The following MYO1D variants were observed in gnomAD, a reference collection of about 807,000 sequenced individuals.
The protein encoded by MYO1D is unconventional myosin-Id.
MYO1D carries 83 observed loss-of-function variants against 122.0 expected under a neutral mutation model. The ratio of observed to expected loss-of-function variants is 0.68; its 90% CI spans 0.57 to 0.82. The LOEUF (loss-of-function observed/expected upper bound fraction) is 0.82. MYO1D is among the 40% of genes least tolerant of loss of function. The pLI, the probability that MYO1D is intolerant of heterozygous loss-of-function variation, is 0.00. For missense variants in MYO1D, 1,157 were observed against 1,269.5 expected (o/e 0.91, Z 1.35); for synonymous variants, 464 against 446.9 (o/e 1.04, Z -0.48).
chr17:32,837,323 T>C (rs1454594444), intron 1 of MYO1D, among the ~76,000 whole-genome samples: 2 of 149,190 alleles, frequency 1.3e-5, no homozygotes, highest in Non-Finnish European at 3.0e-5. Context: ...GTTCTAGCTA[T>C]GAGTGCTTTG....
At chr17:32,839,709 T>C (rs569541253) in intron 1 of MYO1D, among the ~76,000 whole-genome samples, 28 of 152,256 alleles carry the variant, frequency 1.8e-4, no homozygotes, top group Admixed American at 1.2e-3. Flanking sequence ...ATTCTGTGAG[T>C]GGACAAAACA....
At chr17:32,602,619 C>G (rs1478992002) in intron 21 of MYO1D, 1 of 152,212 alleles carries the variant, frequency 6.6e-6, no homozygotes, top group Non-Finnish European at 1.5e-5. Flanking sequence ...CTTTGTGAGG[C>G]TGGGCACTGT....
At chr17:32,849,605 T>C (rs577181624) in intron 1 of MYO1D, among the ~76,000 whole-genome samples, 47 of 151,300 alleles carry the variant, frequency 3.1e-4, no homozygotes, top group South Asian at 1.5e-3. Context: ...TAGGTGGGAA[T>C]TGAACAATGA....
chr17:32,776,165 A>G (rs948114796), intron 3 of MYO1D, 136 bp from the exon 4 acceptor site: 1 of 736,890 alleles, frequency 1.4e-6, no homozygotes, highest in Non-Finnish European at 2.1e-6. Context: ...TATCAAAAAA[A>G]AAACAAACAA....
At chr17:32,716,141 G>A (rs1010037473) in intron 15 of MYO1D, among the ~76,000 whole-genome samples, 3 of 152,216 alleles carry the variant, frequency 2.0e-5, no homozygotes, top group Middle Eastern at 3.4e-3. Flanking sequence ...TCTGTAATGC[G>A]GTTGCCTCCT....
intron 21 of MYO1D, among the ~76,000 whole-genome samples, chr17:32,526,844 G>A (rs1597877281): frequency 6.6e-6 from 1 of 152,170 alleles, no homozygotes; most frequent in African/African-American, 2.4e-5. Context: ...TGACAAGGAG[G>A]TAGAATAGGT....
chr17:32,811,616 C>CTTTTTTT (rs755189217), intron 1 of MYO1D, among the ~76,000 whole-genome samples: 4 of 57,502 alleles, frequency 7.0e-5, no homozygotes, highest in Admixed American at 2.3e-4. Flanking sequence ...CCCTCACCCT[C>CTTTTTTT]TTTTTTTTTT....
intron 21 of MYO1D, among the ~76,000 whole-genome samples, chr17:32,591,078 A>G (rs2087434497): frequency 6.6e-6 from 1 of 152,238 alleles, no homozygotes. Context: ...AGGCAGGTAA[A>G]GCTGAGGATG....
chr17:32,687,454 C>T (rs2729349), intron 16 of MYO1D, among the ~76,000 whole-genome samples: 90,118 of 152,000 alleles, frequency 0.59, 27,596 homozygotes, highest in East Asian at 0.73. Context: ...GCCTTGGCCT[C>T]CCAAAGTGCT....
chr17:32,535,750 C>CAACAA (rs374439673), intron 21 of MYO1D, among the ~76,000 whole-genome samples: 10 of 151,420 alleles, frequency 6.6e-5, no homozygotes, highest in Middle Eastern at 3.4e-3. Context: ...GACTCCATCT[C>CAACAA]AACAAAACAA....
chr17:32,601,022 G>A (rs963512142), intron 21 of MYO1D, among the ~76,000 whole-genome samples: 3 of 148,572 alleles, frequency 2.0e-5, no homozygotes, highest in Non-Finnish European at 3.0e-5. Flanking sequence ...CACGATCATC[G>A]CTCACTGCAG....
rs867862213 is a variant in MYO1D at position 32,680,621 on chromosome 17, A to G, written c.2122-21283T>C. Among the ~76,000 whole-genome samples, 618 of 145,222 alleles carry G rather than the reference A, an allele frequency of 4.3e-3. 3 individuals are homozygous for G. The highest frequency in any genetic ancestry group is 0.012 in the African/African-American group (469 of 38,964). ...TCCCAGGGATGAAGCCCACTTGATC[A>G]TGGTGGATAAACTTTTTGATGTGCT... On this transcript the variant is annotated intron_variant, in intron 16 of 21. Transcript: ENST00000318217.
At chr17:32,825,693 T>G (rs2090716176) in intron 1 of MYO1D, among the ~76,000 whole-genome samples, 2 of 152,314 alleles carry the variant, frequency 1.3e-5, no homozygotes, top group Admixed American at 1.3e-4. Flanking sequence ...TGCTGCTTCC[T>G]TAACAGAATA....
rs375744654 is a variant in MYO1D, at chr17:32,644,431, C to T, written c.2596-5596G>A. 5.1e-4 allele frequency among the ~76,000 whole-genome samples: 78 copies of T among 152,102 alleles called. No homozygotes were observed. In the East Asian group the frequency reaches 9.8e-3, roughly 19 times the overall value. On this transcript the variant is annotated intron_variant, in intron 19 of 21. Coordinates refer to ENST00000318217, the MANE Select transcript of MYO1D (RefSeq NM_015194.3). ...GAGTTCTGTAGATGTCTATTAGGTC[C>T]GCTTGGTGCAGAGCTGAGTTCAATT...
chr17:32,747,589 C>A (rs2098575364), intron 12 of MYO1D, among the ~76,000 whole-genome samples: 1 of 152,114 alleles, frequency 6.6e-6, no homozygotes. Flanking sequence ...GTAATCCTAG[C>A]ACTTTGGGAG....
chr17:32,556,271 G>A (rs745843030), intron 21 of MYO1D, among the ~76,000 whole-genome samples: 24 of 152,166 alleles, frequency 1.6e-4, no homozygotes, highest in Non-Finnish European at 2.2e-4. Context: ...CTAACTTAAT[G>A]CAGTTCTTTC....
intron 15 of MYO1D, 150 bp downstream of exon 15, chr17:32,720,872 TG>T: frequency 1.2e-6 from 1 of 848,418 alleles, no homozygotes; most frequent in Non-Finnish European, 1.7e-6. Flanking sequence ...ATGTTGAAAC[TG>T]GGAAAGTCTT....
At chr17:32,638,993 G>A (rs2088149106) in intron 19 of MYO1D, among the ~76,000 whole-genome samples, 158 bp from the exon 20 acceptor site, 1 of 152,148 alleles carries the variant, frequency 6.6e-6, no homozygotes, top group Admixed American at 6.6e-5. Context: ...CATACTTGTG[G>A]AATTTGGCAA....
chr17:32,725,799 T>C (rs1249408468), intron 14 of MYO1D, among the ~76,000 whole-genome samples: 2 of 151,388 alleles, frequency 1.3e-5, no homozygotes, highest in Non-Finnish European at 2.9e-5. Flanking sequence ...TAAAAAAAAA[T>C]CTACACCTAA....
Sources: gnomAD v4.1 joint callset for allele counts (sites outside exome capture counted in the v4.1 genomes callset) on GRCh38, gnomAD v4.1.1 for gene constraint, MANE v1.5 for transcripts, NCBI Gene and HGNC (gene_info 2026-07-23, HGNC 2026-07-21) for gene names.